Variants in TAX1BP1 observed in about 807,000 individuals in gnomAD.
The protein encoded by TAX1BP1 is tax1-binding protein 1.
TAX1BP1 carries 62 observed loss-of-function variants against 97.7 expected under a neutral mutation model. That is an observed-to-expected ratio of 0.63 (90% confidence interval 0.52 to 0.78). TAX1BP1 has a LOEUF of 0.78. Ranked by LOEUF, TAX1BP1 falls within the 30% of genes least tolerant of loss-of-function variation. The pLI, the probability that TAX1BP1 is intolerant of heterozygous loss-of-function variation, is 0.00. For synonymous variants in TAX1BP1, 340 were observed against 304.2 expected (o/e 1.12, Z -1.23); for missense variants, 867 against 916.1 (o/e 0.95, Z 0.69).
intron 12 of TAX1BP1, 85 bp downstream of exon 12, chr7:27,796,304 T>C (rs965550153): frequency 2.7e-5 from 30 of 1,128,112 alleles, no homozygotes; most frequent in Non-Finnish European, 3.8e-5. Context: ...GATTGGTATC[T>C]TTGAGTTTCT....
At chr7:27,771,227 G>A (rs530780275) in intron 5 of TAX1BP1, among the ~76,000 whole-genome samples, 75 of 141,976 alleles carry the variant, frequency 5.3e-4, no homozygotes, top group African/African-American at 1.9e-3. Context: ...CCTGGATTTG[G>A]TAGTTTTCCA....
intron 3 of TAX1BP1, chr7:27,758,372 C>A: frequency 4.0e-6 from 1 of 250,124 alleles, no homozygotes; most frequent in Non-Finnish European, 7.6e-6. Flanking sequence ...GAGTGGGTTT[C>A]TTTTTAGGTA....
chr7:27,766,310 C>T (rs920475190), intron 4 of TAX1BP1, among the ~76,000 whole-genome samples: 2 of 151,618 alleles, frequency 1.3e-5, no homozygotes, highest in Non-Finnish European at 2.9e-5. Context: ...GTCCCAGCTA[C>T]TCGGGAGGCT....
At chr7:27,782,558 A>G (rs1019870681) in intron 5 of TAX1BP1, among the ~76,000 whole-genome samples, 2 of 151,916 alleles carry the variant, frequency 1.3e-5, no homozygotes, top group Non-Finnish European at 2.9e-5. Flanking sequence ...CAAATATTAT[A>G]TTTTTGTCTG....
In TAX1BP1 at chr7:27,827,828, T is replaced by C. The variant is rs1251847114; in HGVS notation, c.2168+8T>C. On this transcript the variant is annotated splice_region_variant and intron_variant, in intron 16 of 16. Transcript: ENST00000396319. ...CTTTTGCTTTGATTCCAGGTAGTTT[T>C]CTTCTTTACTTTGTAGAATTTGGGT... 1 of 1,612,610 alleles carries C rather than the reference T, an allele frequency of 6.2e-7. No individual in the cohort carries two copies. The highest frequency in any genetic ancestry group is 2.2e-5 in the East Asian group (1 of 44,880).
chr7:27,757,036 G>A (rs1209354697), intron 2 of TAX1BP1, among the ~76,000 whole-genome samples: 1 of 152,078 alleles, frequency 6.6e-6, no homozygotes, highest in Non-Finnish European at 1.5e-5. Flanking sequence ...TTCTTACTGG[G>A]TTTGTAACCT....
At chr7:27,826,451 T>C (rs776656652) in intron 15 of TAX1BP1, among the ~76,000 whole-genome samples, 12 of 152,176 alleles carry the variant, frequency 7.9e-5, no homozygotes, top group Non-Finnish European at 1.2e-4. Flanking sequence ...TTGGTGCTCC[T>C]TCCCATGACA....
At chr7:27,753,518 G>GAT (rs1415854369) in intron 2 of TAX1BP1, among the ~76,000 whole-genome samples, 1 of 152,158 alleles carries the variant, frequency 6.6e-6, no homozygotes, top group Non-Finnish European at 1.5e-5. Context: ...TACAGTTAAA[G>GAT]ATCCCCAGTG....
rs112084378 is a variant in TAX1BP1, at chr7:27,827,787, G to C, written c.2135G>C (p.Arg712Pro). 1 of 1,613,774 alleles carries C rather than the reference G, an allele frequency of 6.2e-7. No individual in the cohort carries two copies. Among genetic ancestry groups the C allele is most frequent in the South Asian group, 1.1e-5 (1 of 91,064 alleles). The part of the protein sequence containing the change: ...TAPDPPSQHL[R>P]GHGTGFCFDS... Reference sequence around the variant, plus strand: ...CCTGATCCTCCAAGTCAACATTTACGTGGGCATGGGACAGGCTTTTGCTTT... The same window carrying C: ...CCTGATCCTCCAAGTCAACATTTACCTGGGCATGGGACAGGCTTTTGCTTT... The change falls in exon 16 of 17, where the codon CGT (arginine) becomes CCT (proline). Residue 712 changes from arginine to proline, a missense_variant. This residue lies in a region of TAX1BP1 where 822 missense variants were observed against 851.4 expected (regional missense o/e 0.97). Coordinates refer to ENST00000396319, the MANE Select transcript of TAX1BP1 (RefSeq NM_006024.7).
intron 12 of TAX1BP1, among the ~76,000 whole-genome samples, chr7:27,798,192 A>G (rs1398514864): frequency 1.3e-5 from 2 of 151,850 alleles, no homozygotes; most frequent in South Asian, 2.1e-4. Flanking sequence ...TTATTTTATC[A>G]TTTGTTTATC....
Position 27,792,045 on chromosome 7 carries a change from G to T in TAX1BP1, c.1078G>T (p.Glu360Ter). Reference sequence around the variant, plus strand: ...TTTAAAGGAGCAACTTCGTAAAGCAGAGGAACAGGTTCAGGCAACTCGGCA... The same window carrying T: ...TTTAAAGGAGCAACTTCGTAAAGCATAGGAACAGGTTCAGGCAACTCGGCA... ...CFLKEQLRKA[E>*]EQVQATRQEV... Residue 360 changes from glutamate to a stop codon, truncating the protein, a stop_gained, in exon 9 of 17, where the codon GAG becomes TAG. Coordinates refer to ENST00000396319, the MANE Select transcript of TAX1BP1 (RefSeq NM_006024.7). LOFTEE classifies it high-confidence loss of function. The T allele has an allele frequency of 6.2e-7, 1 of 1,614,108 alleles. No individual in the cohort carries two copies. Among genetic ancestry groups the T allele is most frequent in the Non-Finnish European group, 8.5e-7 (1 of 1,180,026 alleles).
At chr7:27,819,511 A>C (rs1790896305) in intron 15 of TAX1BP1, among the ~76,000 whole-genome samples, 1 of 152,188 alleles carries the variant, frequency 6.6e-6, no homozygotes, top group South Asian at 2.1e-4. Context: ...ATTGAAAGGA[A>C]TGTGTAGCAC....
intron 12 of TAX1BP1, among the ~76,000 whole-genome samples, chr7:27,798,669 A>G (rs1790025152): frequency 6.6e-6 from 1 of 151,324 alleles, no homozygotes; most frequent in South Asian, 2.1e-4. Context: ...GTCTCAAAAA[A>G]AAAAAAAAAA....
In TAX1BP1 at chr7:27,785,188, TA is replaced by T; in HGVS notation, c.643del (p.Met215TrpfsTer27). On this transcript the variant is annotated frameshift_variant, in exon 6 of 17. Transcript: ENST00000396319. LOFTEE classifies it high-confidence loss of function. ...GGTCTTACTGAAGTAACACAAAGCT[TA>T]AAAATGGAAAATGAAGAGTTTAAGA... ...QKGLTEVTQS[L>X]KMENEEFKKR... 6.2e-7 allele frequency: 1 copy of T among 1,611,060 alleles called. No individual in the cohort carries two copies. Among genetic ancestry groups the T allele is most frequent in the South Asian group, 1.1e-5 (1 of 90,178 alleles).
At chr7:27,758,725 A>G (rs1193448063) in intron 3 of TAX1BP1, among the ~76,000 whole-genome samples, 1 of 152,172 alleles carries the variant, frequency 6.6e-6, no homozygotes, top group Non-Finnish European at 1.5e-5. Context: ...AATACTGCAT[A>G]ATTCCGCTAT....
intron 5 of TAX1BP1, among the ~76,000 whole-genome samples, chr7:27,773,743 G>A (rs1788930173): frequency 6.6e-6 from 1 of 151,936 alleles, no homozygotes; most frequent in Non-Finnish European, 1.5e-5. Context: ...GTTTCATTGT[G>A]TTCTTGTTTG....
At chr7:27,767,276 C>T (rs1788681953) in intron 4 of TAX1BP1, among the ~76,000 whole-genome samples, 1 of 152,010 alleles carries the variant, frequency 6.6e-6, no homozygotes, top group Non-Finnish European at 1.5e-5. Flanking sequence ...TCTTCTATTG[C>T]AGCTATTGCT....
intron 15 of TAX1BP1, among the ~76,000 whole-genome samples, chr7:27,823,847 G>C (rs1281059610): frequency 3.9e-5 from 6 of 152,086 alleles, no homozygotes; most frequent in South Asian, 4.1e-4. Flanking sequence ...TTATGTAAGT[G>C]GAATCATATA....
chr7:27,816,530 G>C lies in TAX1BP1; in HGVS notation c.1936+10G>C. The C allele has an allele frequency of 6.6e-7, 1 of 1,514,326 alleles. No individual in the cohort carries two copies. 93.8% of individuals were successfully genotyped at this position (1,514,326 alleles called of 1,614,324 possible). A position where few individuals can be genotyped will look rare whatever the true frequency, so the allele number is the denominator to read the frequency against. On this transcript the variant is annotated intron_variant, in intron 14 of 16. Coordinates refer to ENST00000396319, the MANE Select transcript of TAX1BP1 (RefSeq NM_006024.7). ...TCTCAGGAAACAAGAGGTTATTACA[G>C]TATTTTTGGTTTGGGATTAGCTGCA...
Sources: allele counts gnomAD v4.1 joint callset (sites outside exome capture counted in the v4.1 genomes callset), GRCh38; gene constraint gnomAD v4.1.1; regional missense constraint gnomAD v4.1.1; transcripts MANE v1.5; gene names NCBI Gene and HGNC (gene_info 2026-07-23, HGNC 2026-07-21).